CDYL: variants seen among roughly 807,000 people sequenced by gnomAD.
CDYL encodes chromodomain Y like.
Under a neutral mutation model 47.3 loss-of-function variants are expected in CDYL, and 8 were observed. The ratio of observed to expected loss-of-function variants is 0.17; its 90% confidence interval spans 0.10 to 0.31. The LOEUF (loss-of-function observed/expected upper bound fraction) is 0.31. CDYL is among the 10% of genes least tolerant of loss of function. The pLI is 1.00. For synonymous variants in CDYL, 266 were observed against 265.0 expected (o/e 1.00, Z -0.04); for missense variants, 471 against 701.4 (o/e 0.67, Z 3.71).
chr6:4,903,202 T>A (rs1463511161), intron 2 of CDYL, among the ~76,000 whole-genome samples: 3 of 152,200 alleles, frequency 2.0e-5, no homozygotes, highest in Non-Finnish European at 4.4e-5. Flanking sequence ...TTAGGGGACG[T>A]CCTCCAAATC....
intron 1 of CDYL, among the ~76,000 whole-genome samples, chr6:4,881,890 A>G (rs1761772176): frequency 6.6e-6 from 1 of 152,206 alleles, no homozygotes; most frequent in South Asian, 2.1e-4. Context: ...ACCTTTTGCA[A>G]GCAGTGCACT....
chr6:4,776,838 C>T, intron 1 of CDYL, 31 bp downstream of exon 1: 1 of 881,206 alleles, frequency 1.1e-6, no homozygotes, highest in South Asian at 4.8e-5. Context: ...CTCGGGCCGC[C>T]CCCCGCCCGC....
chr6:4,832,609 T>G (rs1272507961), intron 1 of CDYL, among the ~76,000 whole-genome samples: 2 of 150,688 alleles, frequency 1.3e-5, no homozygotes, highest in Non-Finnish European at 3.0e-5. Context: ...TTAGGGAGGA[T>G]TCCCTCTTTT....
chr6:4,780,848 G>GCCC (rs1758599822), intron 1 of CDYL, among the ~76,000 whole-genome samples: 2 of 152,314 alleles, frequency 1.3e-5, no homozygotes, highest in African/African-American at 4.8e-5. Flanking sequence ...AAGCTGTGAG[G>GCCC]TCAAGAGGAC....
upstream of CDYL, among the ~76,000 whole-genome samples, chr6:4,776,268 C>T (rs1758444479): frequency 6.9e-6 from 1 of 144,260 alleles, no homozygotes; most frequent in Non-Finnish European, 1.5e-5. Flanking sequence ...GAGCCCACTG[C>T]TCCCCTCGGC....
chr6:4,786,079 CAT>C (rs991645873), intron 1 of CDYL, among the ~76,000 whole-genome samples: 3 of 152,172 alleles, frequency 2.0e-5, no homozygotes, highest in Non-Finnish European at 4.4e-5. Context: ...TAAACTTAAA[CAT>C]AAATTTTATG....
At position 4,795,161 on chromosome 6, in the gene CDYL, A is replaced by C. The variant is rs865956716; in HGVS notation, c.24+18354A>C. ...TGTTAGATGCTCTTTTTTAAAAAAA[A>C]AAATCTGGTTAAAGTTTTATTACTA... On this transcript the variant is annotated intron_variant, in intron 1 of 6. Transcript: ENST00000397588. Among the ~76,000 whole-genome samples the C allele has an allele frequency of 1.8e-3, 275 of 152,126 alleles. 1 individual carries two copies. Among genetic ancestry groups the C allele is most frequent in the African/African-American group, 6.5e-3 (269 of 41,532 alleles).
intron 2 of CDYL, among the ~76,000 whole-genome samples, chr6:4,733,436 A>G (rs1330633810): frequency 6.7e-6 from 1 of 150,092 alleles, no homozygotes; most frequent in Non-Finnish European, 1.5e-5. Context: ...AAAAAAAAAA[A>G]GAAAAAAGTG....
At chr6:4,873,778 G>A (rs561180340) in intron 1 of CDYL, among the ~76,000 whole-genome samples, 2 of 152,314 alleles carry the variant, frequency 1.3e-5, no homozygotes, top group East Asian at 1.9e-4. Flanking sequence ...GTGGTGACAT[G>A]TTTTATTGTG....
At chr6:4,760,583 C>A (rs1483409192) in intron 3 of CDYL, among the ~76,000 whole-genome samples, 1 of 151,962 alleles carries the variant, frequency 6.6e-6, no homozygotes. Flanking sequence ...AGGAAGGCTT[C>A]CCGAAGCAGA....
At chr6:4,759,740 G>A (rs1365989728) in intron 3 of CDYL, among the ~76,000 whole-genome samples, 4 of 150,944 alleles carry the variant, frequency 2.6e-5, no homozygotes, top group African/African-American at 7.3e-5. Flanking sequence ...TTAGCCGGGC[G>A]TGGGGGTGTG....
In CDYL at chr6:4,866,821, G is replaced by A. The variant is rs770492298; in HGVS notation, c.25-24892G>A. On this transcript the variant is annotated intron_variant, in intron 1 of 6. Transcript: ENST00000397588. ...AATAATCTATACCCTCTCACTTTGC[G>A]TTCTACCCCCATACTAGGCCCAGAG... Among the ~76,000 whole-genome samples, 24 of 152,088 alleles carry A rather than the reference G, an allele frequency of 1.6e-4. 1 individual carries two copies. Among genetic ancestry groups the A allele is most frequent in the Admixed American group, 9.8e-4 (15 of 15,296 alleles).
At chr6:4,753,882 T>G (rs1758035664) in intron 3 of CDYL, among the ~76,000 whole-genome samples, 3 of 152,222 alleles carry the variant, frequency 2.0e-5, no homozygotes, top group Non-Finnish European at 2.9e-5. Flanking sequence ...CCAAATTTGT[T>G]TATCAAATGG....
At chr6:4,852,976 G>A (rs529418543) in intron 1 of CDYL, among the ~76,000 whole-genome samples, 13 of 152,078 alleles carry the variant, frequency 8.5e-5, no homozygotes, top group African/African-American at 2.9e-4. Flanking sequence ...TCTTTGTAGA[G>A]AAGAAGTCTT....
Position 4,904,765 on chromosome 6 carries a change from G to T in CDYL, c.691+12386G>T, listed in dbSNP as rs145577185. Among the ~76,000 whole-genome samples, 1,275 of 152,262 alleles carry T rather than the reference G, an allele frequency of 8.4e-3. 11 individuals carry two copies. The highest frequency in any genetic ancestry group is 0.011 in the Non-Finnish European group (733 of 68,022). On this transcript the variant is annotated intron_variant, in intron 2 of 6. Transcript: ENST00000397588. ...TCTGTGCAGTAAGGAGAGGGAGCGTGTTGCCAGGAGAAAAGCTGTAAACGG... is the reference window on the plus strand; with the variant it reads ...TCTGTGCAGTAAGGAGAGGGAGCGTTTTGCCAGGAGAAAAGCTGTAAACGG...
chr6:4,946,546 G>A (rs1178935724), intron 5 of CDYL, among the ~76,000 whole-genome samples: 2 of 152,176 alleles, frequency 1.3e-5, no homozygotes, highest in African/African-American at 4.8e-5. Flanking sequence ...CTGTAGGTAT[G>A]AGCTGAGGCA....
intron 1 of CDYL, among the ~76,000 whole-genome samples, chr6:4,865,403 A>G (rs1761293112): frequency 6.6e-6 from 1 of 152,240 alleles, no homozygotes; most frequent in South Asian, 2.1e-4. Context: ...TGCATCAGGC[A>G]TAAGAACCCC....
intron 2 of CDYL, among the ~76,000 whole-genome samples, chr6:4,910,671 G>T (rs1007396725): frequency 2.6e-5 from 4 of 152,226 alleles, no homozygotes; most frequent in Non-Finnish European, 4.4e-5. Context: ...GAGGTCTGCA[G>T]AAACTATGAA....
chr6:4,948,947 C>CATGAA (rs1275240025), intron 5 of CDYL, among the ~76,000 whole-genome samples: 1 of 152,244 alleles, frequency 6.6e-6, no homozygotes, highest in Non-Finnish European at 1.5e-5. Flanking sequence ...CTTGAGCTTT[C>CATGAA]AGCAGCCTGA....
Sources: gnomAD v4.1 joint callset for allele counts (sites outside exome capture counted in the v4.1 genomes callset) on GRCh38, gnomAD v4.1.1 for gene constraint, MANE v1.5 for transcripts, NCBI Gene and HGNC (gene_info 2026-07-23, HGNC 2026-07-21) for gene names.